The following CBFA2T3 variants were observed in gnomAD, a reference collection of about 807,000 sequenced individuals.
CBFA2T3 encodes transcriptional corepressor CBFA2T3.
In CBFA2T3, 31 loss-of-function variants were observed where a neutral mutation model predicts 58.6. The ratio of observed to expected loss-of-function variants is 0.53; its 90% CI spans 0.40 to 0.71. The LOEUF (loss-of-function observed/expected upper bound fraction) is 0.71. CBFA2T3 is among the 30% of genes least tolerant of loss of function. CBFA2T3 has a pLI of 0.00. For missense variants in CBFA2T3, 1,076 were observed against 963.1 expected, an observed-to-expected ratio of 1.12 and a Z score of -1.55; for synonymous variants, 531 against 421.9, an observed-to-expected ratio of 1.26 and a Z score of -3.17.
At chr16:88,962,475 G>C (rs544120235) in intron 1 of CBFA2T3, among the ~76,000 whole-genome samples, 1 of 152,334 alleles carries the variant, frequency 6.6e-6, no homozygotes, top group South Asian at 2.1e-4. Flanking sequence ...GGCTTCCTCT[G>C]TGCTCAGCAG....
At chr16:88,922,535 T>C (rs1420492785) in intron 1 of CBFA2T3, among the ~76,000 whole-genome samples, 2 of 152,244 alleles carry the variant, frequency 1.3e-5, no homozygotes, top group Non-Finnish European at 2.9e-5. Flanking sequence ...GGCCTGGCCA[T>C]GCTGATGCCC....
At chr16:88,901,138 T>G (rs531339498) in intron 2 of CBFA2T3, among the ~76,000 whole-genome samples, 1 of 152,340 alleles carries the variant, frequency 6.6e-6, no homozygotes, top group African/African-American at 2.4e-5. Context: ...GAGCCTGGCA[T>G]TCCTAGGCCT....
chr16:88,968,137 C>T (rs1343132484), intron 1 of CBFA2T3, among the ~76,000 whole-genome samples: 1 of 152,228 alleles, frequency 6.6e-6, no homozygotes, highest in African/African-American at 2.4e-5. Flanking sequence ...TGGGGCCCAC[C>T]TGGAGGAAAT....
At chr16:88,884,232 G>C (rs986854307) in intron 7 of CBFA2T3, 2 of 152,290 alleles carry the variant, frequency 1.3e-5, no homozygotes, top group Non-Finnish European at 2.9e-5. Flanking sequence ...GGGGCTGGGA[G>C]ATGGCCTTGT....
intron 2 of CBFA2T3, among the ~76,000 whole-genome samples, chr16:88,900,697 C>T (rs550475178): frequency 1.3e-5 from 2 of 152,214 alleles, no homozygotes; most frequent in South Asian, 4.1e-4. Flanking sequence ...GAGATGCACT[C>T]CTGAGCCCCC....
At chr16:88,890,577 G>A (rs563503844) in intron 5 of CBFA2T3, among the ~76,000 whole-genome samples, 1 of 152,342 alleles carries the variant, frequency 6.6e-6, no homozygotes, top group South Asian at 2.1e-4. Context: ...CTCAGCTCCT[G>A]CTAGAGATGT....
chr16:88,897,147 T>A (rs1969918626), intron 3 of CBFA2T3, among the ~76,000 whole-genome samples: 1 of 152,228 alleles, frequency 6.6e-6, no homozygotes, highest in Non-Finnish European at 1.5e-5. Flanking sequence ...GGCTCCGGGA[T>A]CTGGGATTCA....
intron 1 of CBFA2T3, among the ~76,000 whole-genome samples, chr16:88,964,442 G>A (rs1355859710): frequency 6.6e-6 from 1 of 152,218 alleles, no homozygotes; most frequent in Non-Finnish European, 1.5e-5. Context: ...GGGTTAGGGT[G>A]CAGAAAACTG....
At chr16:88,903,663 G>GGT (rs1970188165) in intron 1 of CBFA2T3, among the ~76,000 whole-genome samples, 1 of 137,288 alleles carries the variant, frequency 7.3e-6, no homozygotes, top group African/African-American at 2.7e-5. Context: ...CCCGGCTGGG[G>GGT]GGGGGGGCGT....
chr16:88,904,699 A>T (rs1379056499), intron 1 of CBFA2T3, among the ~76,000 whole-genome samples: 8 of 150,844 alleles, frequency 5.3e-5, no homozygotes, highest in Non-Finnish European at 1.2e-4. Context: ...TGTGCAGGAG[A>T]TGGGACCTTT....
At chr16:88,902,903 C>T (rs555256532) in intron 1 of CBFA2T3, among the ~76,000 whole-genome samples, 1 of 152,100 alleles carries the variant, frequency 6.6e-6, no homozygotes, top group South Asian at 2.1e-4. Flanking sequence ...ACCTGTGGGT[C>T]TCACCCACGA....
chr16:88,946,301 ACACTCC>A (rs1971900029), intron 1 of CBFA2T3, among the ~76,000 whole-genome samples: 1 of 151,876 alleles, frequency 6.6e-6, no homozygotes, highest in Non-Finnish European at 1.5e-5. Context: ...CAACAGAGCA[ACACTCC>A]ATCTCAAAAA....
chr16:88,965,381 T>C (rs955236644), intron 1 of CBFA2T3, among the ~76,000 whole-genome samples: 1 of 152,158 alleles, frequency 6.6e-6, no homozygotes, highest in African/African-American at 2.4e-5. Flanking sequence ...GAAAATACAG[T>C]TTTTGAGACT....
intron 1 of CBFA2T3, among the ~76,000 whole-genome samples, chr16:88,962,614 G>T (rs968530081): frequency 6.6e-6 from 1 of 152,214 alleles, no homozygotes; most frequent in Non-Finnish European, 1.5e-5. Context: ...TGGGAGGACT[G>T]AACACAGATG....
chr16:88,921,161 G>C (rs1426317768), intron 1 of CBFA2T3, among the ~76,000 whole-genome samples: 2 of 152,248 alleles, frequency 1.3e-5, no homozygotes, highest in African/African-American at 4.8e-5. Flanking sequence ...CTAGGAAAGG[G>C]GAGGAAAATA....
At chr16:88,881,682 G>A (rs1473895153) in intron 8 of CBFA2T3, 193 bp from the exon 9 acceptor site, 20 of 571,246 alleles carry the variant, frequency 3.5e-5, no homozygotes, top group South Asian at 2.4e-5. Context: ...ACTGCCGAGC[G>A]CCTGGGGGTA....
At chr16:88,976,279 G>T (rs745313327) in intron 1 of CBFA2T3, among the ~76,000 whole-genome samples, 62 of 152,144 alleles carry the variant, frequency 4.1e-4, no homozygotes, top group Non-Finnish European at 1.5e-5. Context: ...TGTCACACCC[G>T]GAGGGCATCC....
intron 1 of CBFA2T3, among the ~76,000 whole-genome samples, chr16:88,905,534 A>T (rs575802258): frequency 1.3e-5 from 2 of 151,792 alleles, no homozygotes; most frequent in South Asian, 4.2e-4. Flanking sequence ...CAGCTCGCCC[A>T]GGGTAGCCTT....
At chr16:88,900,259 C>T (rs844396) in intron 2 of CBFA2T3, among the ~76,000 whole-genome samples, 46,000 of 152,258 alleles carry the variant, frequency 0.3, 7,075 homozygotes, top group Middle Eastern at 0.35. Flanking sequence ...CACCTGGGGG[C>T]ACCCCATTGC....
Sources: gnomAD v4.1 joint callset for allele counts (sites outside exome capture counted in the v4.1 genomes callset) on GRCh38, gnomAD v4.1.1 for gene constraint, MANE v1.5 for transcripts, NCBI Gene and HGNC (gene_info 2026-07-23, HGNC 2026-07-21) for gene names.